The following DDI2 variants were observed in gnomAD, a reference collection of about 807,000 sequenced individuals.
DDI2 encodes the protein protein DDI1 homolog 2.
Under a neutral mutation model 48.1 loss-of-function variants are expected in DDI2, and 5 were observed. The ratio of observed to expected loss-of-function variants is 0.10; its 90% CI spans 0.05 to 0.22. DDI2 has a LOEUF of 0.22. Among genes scored for constraint, DDI2 ranks in the 10% least tolerant of loss-of-function variants. DDI2 has a pLI of 1.00. For missense variants in DDI2, 285 were observed against 506.2 expected, an observed-to-expected ratio of 0.56 and a Z score of 4.19; for synonymous variants, 205 against 183.6, an observed-to-expected ratio of 1.12 and a Z score of -0.94.
intron 1 of DDI2, among the ~76,000 whole-genome samples, chr1:15,623,041 G>C (rs1557611463): frequency 6.6e-6 from 1 of 152,160 alleles, no homozygotes; most frequent in Non-Finnish European, 1.5e-5. Context: ...TTTATTGTTA[G>C]ATCATGCTGC....
rs1294968554 is a variant in DDI2 at position 15,664,401 on chromosome 1, A to C, written c.*4611A>C. On this transcript the variant is annotated 3_prime_UTR_variant, in exon 10 of 10. Coordinates refer to ENST00000480945, the MANE Select transcript of DDI2 (RefSeq NM_032341.5). ...AGCCTAGATCACGCCACTGCACTCCAGTGTGGGCGGCAGAGTGAGACTCTG... is the reference window on the plus strand; with the variant it reads ...AGCCTAGATCACGCCACTGCACTCCCGTGTGGGCGGCAGAGTGAGACTCTG... The C allele has an allele frequency of 1.3e-5, 2 of 148,540 alleles. No individual in the cohort carries two copies. Among genetic ancestry groups the C allele is most frequent in the Non-Finnish European group, 3.0e-5 (2 of 67,492 alleles). The allele number at this position is 148,540 out of a possible 1,614,324, so 9.2% of individuals were successfully genotyped here.
intron 6 of DDI2, among the ~76,000 whole-genome samples, chr1:15,648,772 A>C (rs1640129483): frequency 1.5e-5 from 2 of 135,334 alleles, no homozygotes. Flanking sequence ...GATGCAGGGG[A>C]GGGAGGATTG....
intron 5 of DDI2, among the ~76,000 whole-genome samples, chr1:15,640,239 A>G (rs778463859): frequency 2.6e-5 from 4 of 152,210 alleles, no homozygotes; most frequent in Non-Finnish European, 5.9e-5. Flanking sequence ...TTGATTCCTT[A>G]TTGTGTGCCA....
intron 1 of DDI2, among the ~76,000 whole-genome samples, chr1:15,618,750 C>CA (rs1205496270): frequency 6.6e-6 from 1 of 152,178 alleles, no homozygotes; most frequent in African/African-American, 2.4e-5. Context: ...TACACTAAAA[C>CA]ACTTAGATCA....
chr1:15,617,873 C>G, intron 1 of DDI2, 65 bp downstream of exon 1: 1 of 1,447,386 alleles, frequency 6.9e-7, no homozygotes, highest in South Asian at 1.4e-5. Flanking sequence ...GGCCTCACTC[C>G]CTCCCTTTGC....
At chr1:15,647,221 C>T (rs1431988594) in intron 6 of DDI2, among the ~76,000 whole-genome samples, 1 of 151,702 alleles carries the variant, frequency 6.6e-6, no homozygotes, top group Non-Finnish European at 1.5e-5. Context: ...AATCTTGGCT[C>T]ACTTCAACCT....
intron 4 of DDI2, chr1:15,634,390 C>T (rs553910740): frequency 6.6e-6 from 1 of 152,612 alleles, no homozygotes; most frequent in Admixed American, 6.5e-5. Flanking sequence ...ATAACAGCAA[C>T]GATACTTACT....
chr1:15,656,951 C>T, intron 9 of DDI2: 1 of 309,602 alleles, frequency 3.2e-6, no homozygotes. Flanking sequence ...CCCATCTTGG[C>T]TACTATAAAT....
In DDI2 at chr1:15,660,774, T is replaced by C. The variant is rs746028414; in HGVS notation, c.*984T>C. The stretch of plus-strand genomic sequence containing the variant: ...GTAACCCTTCATCTGAAATTTTGAA[T>C]GATTCCATTTCCACTCAGGATTTAC... On this transcript the variant is annotated 3_prime_UTR_variant, in exon 10 of 10. Transcript: ENST00000480945. 1.2e-6 allele frequency: 2 copies of C among 1,613,924 alleles called. No homozygotes were observed. Among genetic ancestry groups the C allele is most frequent in the African/African-American group, 2.7e-5 (2 of 75,024 alleles).
chr1:15,648,853 C>CAA (rs1351206014), intron 6 of DDI2, among the ~76,000 whole-genome samples: 1 of 127,730 alleles, frequency 7.8e-6, no homozygotes, highest in African/African-American at 2.9e-5. Flanking sequence ...AAAAAAAAAA[C>CAA]AACCCTAAAA....
At chr1:15,657,864 A>G (rs1186220031) in intron 9 of DDI2, among the ~76,000 whole-genome samples, 1 of 152,234 alleles carries the variant, frequency 6.6e-6, no homozygotes, top group Non-Finnish European at 1.5e-5. Flanking sequence ...CTAAACTGAG[A>G]TAAGTGCAGT....
chr1:15,637,810 A>G (rs139305909), intron 4 of DDI2, among the ~76,000 whole-genome samples: 3 of 152,250 alleles, frequency 2.0e-5, no homozygotes, highest in African/African-American at 7.2e-5. Flanking sequence ...CCTCTTGGCA[A>G]CCTAGGTAAC....
intron 8 of DDI2, among the ~76,000 whole-genome samples, chr1:15,655,763 A>G (rs964630545): frequency 3.0e-4 from 46 of 151,200 alleles, no homozygotes; most frequent in East Asian, 5.9e-4. Context: ...AAAAAAAAAA[A>G]AAAAGAAAAA....
intron 6 of DDI2, among the ~76,000 whole-genome samples, chr1:15,644,791 C>T (rs1190633989): frequency 6.6e-6 from 1 of 151,742 alleles, no homozygotes; most frequent in Non-Finnish European, 1.5e-5. Flanking sequence ...GACGGGGTTT[C>T]ACCGTGTTAG....
At chr1:15,626,908 C>A (rs887003669) in intron 2 of DDI2, 110 bp downstream of exon 2, 3 of 1,323,280 alleles carry the variant, frequency 2.3e-6, no homozygotes, top group Admixed American at 2.3e-5. Context: ...GAATACAGAT[C>A]CTGACTCTGC....
rs1312885725 is a variant in DDI2 at position 15,665,576 on chromosome 1, C to G, written c.*5786C>G. On this transcript the variant is annotated 3_prime_UTR_variant, in exon 10 of 10. Coordinates refer to ENST00000480945, the MANE Select transcript of DDI2 (RefSeq NM_032341.5). ...ATAAAAATTTAGGTTAACTTTTAAG[C>G]TCATGTCTATATATATGTGTGTAAG... The G allele has an allele frequency of 2.0e-5, 3 of 152,134 alleles. No homozygotes were observed. Among genetic ancestry groups the G allele is most frequent in the Non-Finnish European group, 4.4e-5 (3 of 68,034 alleles). The allele number at this position is 152,134 out of a possible 1,614,324, so 9.4% of individuals were successfully genotyped here. A position where few individuals can be genotyped will look rare whatever the true frequency, so the allele number is the denominator to read the frequency against.
rs369639696 is a variant in DDI2 at position 15,638,274 on chromosome 1, G to A, written c.633-33G>A. 168 of 1,611,976 alleles carry A rather than the reference G, an allele frequency of 1.0e-4. 1 individual carries two copies. The African/African-American group carries it at 2.0e-3, about 20-fold the overall frequency. ...ACTGATTTCTCTCCATGGAATTAAT[G>A]CTTTCAGTGTCCCTGGTCTTGTTCT... On this transcript the variant is annotated intron_variant, in intron 4 of 9. Transcript: ENST00000480945.
At chr1:15,623,417 A>G (rs1265156783) in intron 1 of DDI2, among the ~76,000 whole-genome samples, 1 of 140,824 alleles carries the variant, frequency 7.1e-6, no homozygotes, top group East Asian at 2.0e-4. Context: ...TTTAAGAGAC[A>G]AGATCTTATT....
At chr1:15,622,322 C>G (rs1639678632) in intron 1 of DDI2, among the ~76,000 whole-genome samples, 1 of 151,986 alleles carries the variant, frequency 6.6e-6, no homozygotes, top group Middle Eastern at 3.4e-3. Context: ...CTGCACCTGG[C>G]CTACTAGTTT....
Sources: gnomAD v4.1 joint callset for allele counts (sites outside exome capture counted in the v4.1 genomes callset) on GRCh38, gnomAD v4.1.1 for gene constraint, MANE v1.5 for transcripts, NCBI Gene and HGNC (gene_info 2026-07-23, HGNC 2026-07-21) for gene names.